LINGO2: variants seen among roughly 807,000 people sequenced by gnomAD.
LINGO2 encodes leucine rich repeat and Ig domain containing 2, also known as leucine-rich repeat and immunoglobulin-like domain-containing nogo receptor-interacting protein 2.
Under a neutral mutation model 30.6 loss-of-function variants are expected in LINGO2, and 14 were observed. The observed-to-expected ratio is 0.46, with a 90% confidence interval of 0.30 to 0.72. The LOEUF (loss-of-function observed/expected upper bound fraction) is 0.72, where lower values mean the gene tolerates loss of function less well. Ranked by LOEUF, LINGO2 falls within the 30% of genes least tolerant of loss-of-function variation. The pLI, the probability that LINGO2 is intolerant of heterozygous loss-of-function variation, is 0.07. For synonymous variants in LINGO2, 317 were observed against 288.5 expected (o/e 1.10, Z -1.00); for missense variants, 729 against 751.7 (o/e 0.97, Z 0.35).
At chr9:29,060,817 A>T in the LINGO2 span, among the ~76,000 whole-genome samples, 1 of 151,976 alleles carries the variant, frequency 6.6e-6, no homozygotes, top group Non-Finnish European at 1.5e-5. Context: ...AAGTTGAAAG[A>T]AATCAACTGT....
At chr9:28,313,307 C>T (rs1395985508) in intron 3 of LINGO2, among the ~76,000 whole-genome samples, 1 of 152,186 alleles carries the variant, frequency 6.6e-6, no homozygotes, top group African/African-American at 2.4e-5. Flanking sequence ...CTCTGGGCTC[C>T]TGCTCACACA....
chr9:28,339,455 A>C lies in LINGO2; in HGVS notation c.-246+33381T>G, dbSNP rs561451022. Among the ~76,000 whole-genome samples the C allele has an allele frequency of 1.8e-3, 273 of 152,260 alleles. 1 individual carries two copies. The highest frequency in any genetic ancestry group is 6.3e-3 in the African/African-American group (260 of 41,566). On this transcript the variant is annotated intron_variant, in intron 3 of 5. Transcript: ENST00000379992. The stretch of plus-strand genomic sequence containing the variant: ...TAAGGTTAAACATAATTGTACATTG[A>C]AAATGTTTATTTGAATGATTAGCAA...
intron 5 of LINGO2, among the ~76,000 whole-genome samples, chr9:27,985,188 G>A (rs1821067087): frequency 6.6e-6 from 1 of 151,988 alleles, no homozygotes; most frequent in African/African-American, 2.4e-5. Context: ...CAACATGAGT[G>A]TCATAACACA....
chr9:28,581,356 C>A (rs771861013), intron 1 of LINGO2, among the ~76,000 whole-genome samples: 7 of 151,694 alleles, frequency 4.6e-5, no homozygotes, highest in Admixed American at 6.6e-5. Context: ...AACTTGAATA[C>A]CTGCAGTTAC....
the LINGO2 span, among the ~76,000 whole-genome samples, chr9:29,195,123 G>A: frequency 1.3e-4 from 19 of 147,646 alleles, no homozygotes; most frequent in East Asian, 9.8e-4. Context: ...AGAACCATAC[G>A]GTATGTAAAC....
intron 1 of LINGO2, among the ~76,000 whole-genome samples, chr9:28,524,154 C>G (rs1362158777): frequency 6.6e-6 from 1 of 151,740 alleles, no homozygotes. Flanking sequence ...AACAAAGGGG[C>G]CAAGATAATT....
the LINGO2 span, among the ~76,000 whole-genome samples, chr9:29,003,875 G>A: frequency 2.6e-5 from 4 of 152,004 alleles, no homozygotes; most frequent in Non-Finnish European, 1.5e-5. Context: ...TTATTTGACA[G>A]TGTTTGTTAT....
the LINGO2 span, among the ~76,000 whole-genome samples, chr9:28,782,357 T>G: frequency 6.6e-6 from 1 of 152,158 alleles, no homozygotes; most frequent in South Asian, 2.1e-4. Context: ...CTCCCTTCAT[T>G]CATTCACTGT....
intron 4 of LINGO2, among the ~76,000 whole-genome samples, chr9:28,193,825 G>C (rs950049625): frequency 6.6e-6 from 1 of 152,196 alleles, no homozygotes; most frequent in African/African-American, 2.4e-5. Flanking sequence ...AGAGACTGGA[G>C]TAACTAGGAG....
At chr9:29,070,045 A>C in the LINGO2 span, among the ~76,000 whole-genome samples, 1 of 151,798 alleles carries the variant, frequency 6.6e-6, no homozygotes, top group Non-Finnish European at 1.5e-5. Context: ...CACTCTGTAC[A>C]AAGTACTTTG....
At chr9:28,200,239 G>C (rs17771775) in intron 4 of LINGO2, among the ~76,000 whole-genome samples, 24,003 of 152,160 alleles carry the variant, frequency 0.16, 2,076 homozygotes, top group South Asian at 0.28. Context: ...AGGTAACCTT[G>C]CCTCTGGAGT....
intron 4 of LINGO2, among the ~76,000 whole-genome samples, chr9:28,124,865 G>A (rs1015381721): frequency 2.6e-5 from 4 of 152,096 alleles, no homozygotes; most frequent in African/African-American, 4.8e-5. Context: ...AATCTCTAGC[G>A]AACAAAAATA....
At chr9:28,054,546 G>A (rs943905834) in intron 4 of LINGO2, among the ~76,000 whole-genome samples, 1 of 152,068 alleles carries the variant, frequency 6.6e-6, no homozygotes, top group African/African-American at 2.4e-5. Flanking sequence ...GAAGTTTGAA[G>A]TTCCATTAAC....
At position 28,461,027 on chromosome 9, in the gene LINGO2, G is replaced by A. The variant is rs1034049643; in HGVS notation, c.-279+14913C>T. On this transcript the variant is annotated intron_variant, in intron 2 of 5. Coordinates refer to ENST00000379992, the Ensembl canonical transcript of LINGO2. The stretch of plus-strand genomic sequence containing the variant: ...ATACAATATAACCCTAAACACTTGG[G>A]CATAAATTCATTCTTGTTTGTCTTT... 8.6e-5 allele frequency among the ~76,000 whole-genome samples: 13 copies of A among 152,008 alleles called. 1 individual carries two copies. In the South Asian group the frequency reaches 1.0e-3, roughly 12 times the overall value.
At chr9:28,079,770 C>T (rs1430371766) in intron 4 of LINGO2, among the ~76,000 whole-genome samples, 1 of 152,160 alleles carries the variant, frequency 6.6e-6, no homozygotes, top group African/African-American at 2.4e-5. Context: ...TCCAAATGCA[C>T]ATCTCCATCT....
intron 4 of LINGO2, among the ~76,000 whole-genome samples, chr9:28,239,871 A>G (rs995765866): frequency 1.3e-5 from 2 of 152,212 alleles, no homozygotes; most frequent in African/African-American, 4.8e-5. Context: ...ATATGATCTT[A>G]TACTTGGAAA....
the LINGO2 span, among the ~76,000 whole-genome samples, chr9:29,189,638 C>G: frequency 6.6e-6 from 1 of 152,106 alleles, no homozygotes; most frequent in Admixed American, 6.5e-5. Flanking sequence ...GCTGCAATCT[C>G]GGCACTTTGG....
At chr9:28,036,540 G>A (rs1823944599) in intron 4 of LINGO2, among the ~76,000 whole-genome samples, 1 of 152,126 alleles carries the variant, frequency 6.6e-6, no homozygotes, top group Non-Finnish European at 1.5e-5. Context: ...GTCAATGGAG[G>A]CAATAATTTT....
the LINGO2 span, among the ~76,000 whole-genome samples, chr9:29,097,452 A>C: frequency 7.2e-6 from 1 of 138,732 alleles, no homozygotes; most frequent in Non-Finnish European, 1.6e-5. Flanking sequence ...CATTAAAAGT[A>C]AATTTTAAAA....
Sources: allele counts gnomAD v4.1 joint callset (sites outside exome capture counted in the v4.1 genomes callset), GRCh38; gene constraint gnomAD v4.1.1; transcripts MANE v1.5; gene names NCBI Gene and HGNC (gene_info 2026-07-23, HGNC 2026-07-21).